ILRUN: variants seen among roughly 807,000 people sequenced by gnomAD.
The protein encoded by ILRUN is inflammation and lipid regulator with UBA-like and NBR1-like domains.
In ILRUN, 3 loss-of-function variants were observed where a neutral mutation model predicts 33.8. The ratio of observed to expected loss-of-function variants is 0.09; its 90% CI spans 0.04 to 0.23. ILRUN has a LOEUF of 0.23. Among genes scored for constraint, ILRUN ranks in the 10% least tolerant of loss-of-function variants. The probability of loss-of-function intolerance (pLI) is 1.00; values close to 1 mark genes in which losing one functional copy is unlikely to be tolerated. For missense variants in ILRUN, 210 were observed against 375.1 expected (o/e 0.56, Z 3.64); for synonymous variants, 124 against 138.9 (o/e 0.89, Z 0.75).
In ILRUN at chr6:34,676,438, C is replaced by A. The variant is rs539895884; in HGVS notation, c.158+20008G>T. Among the ~76,000 whole-genome samples, 39 of 150,814 alleles carry A rather than the reference C, an allele frequency of 2.6e-4. 2 individuals are homozygous for A. Among genetic ancestry groups the A allele is most frequent in the Middle Eastern group, 3.4e-3 (1 of 294 alleles). ...TGTACAGATAGATATAGCTAGCTAG[C>A]TAGCTAGATAGATAGATATAGCTAG... is the stretch of plus-strand genomic sequence containing the variant. On this transcript the variant is annotated intron_variant, in intron 1 of 4. Transcript: ENST00000374023.
chr6:34,696,556 G>A lies in ILRUN; in HGVS notation c.48C>T (p.Phe16=). Residue 16 remains phenylalanine (F), a synonymous_variant, in exon 1 of 5, where the codon TTC becomes TTT. Coordinates refer to ENST00000374023, the MANE Select transcript of ILRUN (RefSeq NM_024294.4). ...VDLDPELMQK[F]SCLGTTDKDV... ...CCTTGTCGGTGGTGCCCAGGCAGCTGAACTTCTGCATCAGCTCCGGGTCCA... is the reference window on the plus strand; with the variant it reads ...CCTTGTCGGTGGTGCCCAGGCAGCTAAACTTCTGCATCAGCTCCGGGTCCA... The A allele has an allele frequency of 6.2e-7, 1 of 1,613,086 alleles. No individual in the cohort carries two copies. The highest frequency in any genetic ancestry group is 8.5e-7 in the Non-Finnish European group (1 of 1,179,824).
chr6:34,692,995 T>C (rs1468738626), intron 1 of ILRUN, among the ~76,000 whole-genome samples: 2 of 152,130 alleles, frequency 1.3e-5, no homozygotes, highest in African/African-American at 4.8e-5. Flanking sequence ...GGAGGATTGC[T>C]TGAATCTGGG....
Position 34,588,141 on chromosome 6 carries a change from C to T in ILRUN, c.*2424G>A. 2.5e-6 allele frequency: 1 copy of T among 399,002 alleles called. No individual in the cohort carries two copies. Among genetic ancestry groups the T allele is most frequent in the Admixed American group, 4.4e-5 (1 of 22,756 alleles). The allele number at this position is 399,002 out of a possible 1,614,324, so 24.7% of individuals were successfully genotyped here. The stretch of plus-strand genomic sequence containing the variant: ...CTGGGGAAGCCATGGACCCCTCTGC[C>T]TGCACTCCATGACTTGCACTTACTC... On this transcript the variant is annotated 3_prime_UTR_variant, in exon 5 of 5. Coordinates refer to ENST00000374023, the MANE Select transcript of ILRUN (RefSeq NM_024294.4).
At chr6:34,654,893 T>C (rs1762739265) in intron 1 of ILRUN, 114 bp from the exon 2 acceptor site, 10 of 976,672 alleles carry the variant, frequency 1.0e-5, no homozygotes, top group Middle Eastern at 2.3e-4. Context: ...CTGAGGCTCC[T>C]GGTATACACG....
rs1761272131 is a variant in ILRUN, at chr6:34,590,442, T to C, written c.*123A>G. The C allele has an allele frequency of 3.6e-6, 5 of 1,389,092 alleles. No individual in the cohort carries two copies. In the South Asian group the frequency reaches 6.3e-5, roughly 18 times the overall value. The allele number at this position is 1,389,092 out of a possible 1,614,324, so 86.0% of individuals were successfully genotyped here. On this transcript the variant is annotated 3_prime_UTR_variant, in exon 5 of 5. Transcript: ENST00000374023. ...TCTGCTTCTTCCTCTTCTTCCGGGA[T>C]GAGAGGGGGTCAGAGCCAGGGGTCT...
chr6:34,592,062 T>C lies in ILRUN; in HGVS notation c.862-1462A>G. Among the ~76,000 whole-genome samples, 1 of 152,282 alleles carries C rather than the reference T, an allele frequency of 6.6e-6. No homozygotes were observed. Among genetic ancestry groups the C allele is most frequent in the East Asian group, 1.9e-4 (1 of 5,184 alleles). On this transcript the variant is annotated intron_variant, in intron 4 of 4. Coordinates refer to ENST00000374023, the MANE Select transcript of ILRUN (RefSeq NM_024294.4). The surrounding 1 kb of genome is among the most constrained non-coding windows in gnomAD (Gnocchi z 4.0). ...ACCACGAACACGCTGGACCATGACGTGTGCTTCCTCCCCAATCCCTGCTTT... is the reference window on the plus strand; with the variant it reads ...ACCACGAACACGCTGGACCATGACGCGTGCTTCCTCCCCAATCCCTGCTTT...
chr6:34,598,407 T>C (rs1020664136), intron 4 of ILRUN, among the ~76,000 whole-genome samples: 1 of 152,214 alleles, frequency 6.6e-6, no homozygotes, highest in Non-Finnish European at 1.5e-5. Flanking sequence ...TGAGCATCTA[T>C]ACCAGGAGCC....
chr6:34,696,226 G>T, intron 1 of ILRUN: 1 of 503,976 alleles, frequency 2.0e-6, no homozygotes, highest in Middle Eastern at 5.2e-4. Context: ...TCTCCCTTCC[G>T]CCCCTCCTGC....
At chr6:34,629,976 G>A (rs943664800) in intron 3 of ILRUN, among the ~76,000 whole-genome samples, 2 of 151,996 alleles carry the variant, frequency 1.3e-5, no homozygotes, top group Non-Finnish European at 1.5e-5. Flanking sequence ...TATAAATTAG[G>A]CCCAGTAAGA....
intron 3 of ILRUN, chr6:34,616,943 T>C: frequency 1.0e-5 from 6 of 571,526 alleles, no homozygotes; most frequent in East Asian, 4.2e-5. Flanking sequence ...TGCATAGGAG[T>C]ACCCAAATCT....
At chr6:34,633,748 T>C (rs1032165198) in intron 3 of ILRUN, among the ~76,000 whole-genome samples, 11 of 150,108 alleles carry the variant, frequency 7.3e-5, no homozygotes, top group African/African-American at 2.5e-4. Flanking sequence ...TCCCAGCTAC[T>C]TGGGAAGCTG....
At chr6:34,609,515 TAA>T (rs1383510268) in intron 3 of ILRUN, among the ~76,000 whole-genome samples, 1 of 151,900 alleles carries the variant, frequency 6.6e-6, no homozygotes, top group Non-Finnish European at 1.5e-5. Flanking sequence ...GGTGGAATCT[TAA>T]AGTATCATAC....
At chr6:34,670,076 T>TA (rs1763085043) in intron 1 of ILRUN, among the ~76,000 whole-genome samples, 1 of 152,100 alleles carries the variant, frequency 6.6e-6, no homozygotes, top group South Asian at 2.1e-4. Flanking sequence ...CACACCCAGC[T>TA]AATTTTTTGT....
chr6:34,598,507 C>G (rs1761446824), intron 4 of ILRUN, among the ~76,000 whole-genome samples: 1 of 152,176 alleles, frequency 6.6e-6, no homozygotes, highest in Admixed American at 6.5e-5. Flanking sequence ...AATTAAAATG[C>G]TGAATTCAGA....
chr6:34,654,082 A>G (rs1182025536), intron 2 of ILRUN, among the ~76,000 whole-genome samples: 4 of 151,260 alleles, frequency 2.6e-5, no homozygotes, highest in African/African-American at 4.9e-5. Flanking sequence ...GCAAATTCCC[A>G]TATTTCCTAC....
At chr6:34,590,644 G>T in intron 4 of ILRUN, 44 bp from the exon 5 acceptor site, 2 of 1,407,338 alleles carry the variant, frequency 1.4e-6, no homozygotes, top group Non-Finnish European at 2.0e-6. Flanking sequence ...ACATAGCAGT[G>T]CAACTTGACA....
chr6:34,648,341 T>C (rs1191026748), intron 2 of ILRUN, among the ~76,000 whole-genome samples: 3 of 152,136 alleles, frequency 2.0e-5, no homozygotes, highest in Admixed American at 2.0e-4. Flanking sequence ...AGTTTTGACA[T>C]ACCTGATGGC....
intron 4 of ILRUN, among the ~76,000 whole-genome samples, chr6:34,597,694 T>C (rs1761429861): frequency 6.6e-6 from 1 of 152,204 alleles, no homozygotes; most frequent in Non-Finnish European, 1.5e-5. Flanking sequence ...GCCACTCCCC[T>C]ACTCAAAAGC....
intron 3 of ILRUN, among the ~76,000 whole-genome samples, chr6:34,631,106 C>T (rs761265653): frequency 2.6e-5 from 4 of 152,194 alleles, no homozygotes; most frequent in Non-Finnish European, 5.9e-5. Context: ...AATTCCAACA[C>T]GCCTGCCAAA....
Sources: gnomAD v4.1 joint callset for allele counts (sites outside exome capture counted in the v4.1 genomes callset) on GRCh38, gnomAD v4.1.1 for gene constraint, Gnocchi (gnomAD v3.1) non-coding constraint, MANE v1.5 for transcripts, NCBI Gene and HGNC (gene_info 2026-07-23, HGNC 2026-07-21) for gene names.